IGSF9B: variants seen among roughly 807,000 people sequenced by gnomAD.
IGSF9B encodes immunoglobulin superfamily member 9B.
IGSF9B carries 48 observed loss-of-function variants against 143.7 expected under a neutral mutation model. That is an observed-to-expected ratio of 0.33 (90% CI 0.26 to 0.42). The LOEUF (loss-of-function observed/expected upper bound fraction) is 0.42, where lower values mean the gene tolerates loss of function less well. Ranked by LOEUF, IGSF9B falls within the 20% of genes least tolerant of loss-of-function variation. IGSF9B has a pLI of 1.00. For synonymous variants in IGSF9B, 903 were observed against 833.1 expected (o/e 1.08, Z -1.44); for missense variants, 1,706 against 1,980.0 (o/e 0.86, Z 2.63).
At position 133,919,843 on chromosome 11, in the gene IGSF9B, A is replaced by G; in HGVS notation, c.3882T>C (p.Pro1294=). ...SPPPGPAPAG[P]GDSLDVFGQT... ...GTCCAAACACGTCCAAGCTGTCCCC[A>G]GGCCCAGCAGGGGCGGGGCCGGGTG... The change falls in exon 18 of 20, where the codon CCT becomes CCC. Residue 1294 remains proline, a synonymous_variant. Transcript: ENST00000533871. The G allele has an allele frequency of 6.3e-7, 1 of 1,580,708 alleles. No homozygotes were observed. The highest frequency in any genetic ancestry group is 8.6e-7 in the Non-Finnish European group (1 of 1,163,262).
intron 18 of IGSF9B, among the ~76,000 whole-genome samples, chr11:133,914,983 C>T (rs1167012139): frequency 2.0e-5 from 3 of 152,174 alleles, no homozygotes; most frequent in African/African-American, 7.2e-5. Flanking sequence ...CAACTCCATC[C>T]TATCCCTGGA....
chr11:133,920,991 G>C lies in IGSF9B; in HGVS notation c.2734C>G (p.Leu912Val). Residue 912 changes from leucine to valine, a missense_variant, in exon 18 of 20, where the codon CTC (leucine) becomes GTC (valine). By Grantham distance (32) the Leu-to-Val change is conservative. Around this residue, in one of 7 missense-constraint regions of IGSF9B, gnomAD observed 880 missense variants for 762.9 expected, o/e 1.15. Coordinates refer to ENST00000533871, the MANE Select transcript of IGSF9B (RefSeq NM_001277285.4). Reference sequence around the variant, plus strand: ...TCCTGGCTGGATGACAGAGGGGTGAGCTGGGACTTCAGGGCGGCCACAGAT... The same window carrying C: ...TCCTGGCTGGATGACAGAGGGGTGACCTGGGACTTCAGGGCGGCCACAGAT... ...PTSVAALKSQ[L>V]TPLSSSQESY... The C allele has an allele frequency of 6.2e-7, 1 of 1,611,254 alleles. No individual in the cohort carries two copies. The highest frequency in any genetic ancestry group is 1.3e-5 in the African/African-American group (1 of 75,010).
chr11:133,944,486 A>C (rs1565447553), intron 2 of IGSF9B, 120 bp from the exon 3 acceptor site: 1 of 1,078,354 alleles, frequency 9.3e-7, no homozygotes, highest in East Asian at 2.6e-5. Flanking sequence ...TCCCTATGGC[A>C]GGGCTCCAGA....
At chr11:133,923,712 G>A (rs769427428) in intron 15 of IGSF9B, among the ~76,000 whole-genome samples, 2 of 152,250 alleles carry the variant, frequency 1.3e-5, no homozygotes, top group Non-Finnish European at 2.9e-5. Context: ...GGAAATGGGG[G>A]ACCTAATACA....
intron 18 of IGSF9B, among the ~76,000 whole-genome samples, chr11:133,917,518 G>A (rs184230427): frequency 7.9e-5 from 12 of 152,208 alleles, no homozygotes; most frequent in East Asian, 5.8e-4. Context: ...CAGGGAGGAC[G>A]ACAAGGCTAC....
chr11:133,901,965 G>A lies in IGSF9B; in HGVS notation c.*7104C>T, dbSNP rs1472611311. 3.9e-5 allele frequency among the ~76,000 whole-genome samples: 4 copies of A among 102,160 alleles called. No individual in the cohort carries two copies. Among genetic ancestry groups the A allele is most frequent in the Admixed American group, 9.9e-5 (1 of 10,116 alleles). The allele number at this position is 102,160 out of a possible 152,430, so 67.0% of individuals were successfully genotyped here. ...CACACACATCACACACATGCACACC[G>A]CATCACACACATGCACACCAGACAC... On this transcript the variant is annotated 3_prime_UTR_variant, in exon 20 of 20. Coordinates refer to ENST00000533871, the MANE Select transcript of IGSF9B (RefSeq NM_001277285.4).
intron 18 of IGSF9B, among the ~76,000 whole-genome samples, chr11:133,914,706 G>C (rs1447357440): frequency 1.3e-5 from 2 of 152,178 alleles, no homozygotes; most frequent in Admixed American, 6.5e-5. Context: ...CCCAATGTGG[G>C]AGGAAAAAAC....
chr11:133,928,413 A>G lies in IGSF9B; in HGVS notation c.1631+1258T>C, dbSNP rs763246109. On this transcript the variant is annotated intron_variant, in intron 12 of 19. Coordinates refer to ENST00000533871, the MANE Select transcript of IGSF9B (RefSeq NM_001277285.4). This position sits in a 1 kb window ranked among gnomAD's most constrained non-coding sequence, Gnocchi z 4.7. ...ACTCCGCCCGGGAAGCAGCCACCGA[A>G]CCACCATGATGGGAGACAGAGCGGG... 1.3e-5 allele frequency among the ~76,000 whole-genome samples: 2 copies of G among 152,148 alleles called. No homozygotes were observed. The highest frequency in any genetic ancestry group is 2.9e-5 in the Non-Finnish European group (2 of 68,032).
intron 3 of IGSF9B, among the ~76,000 whole-genome samples, chr11:133,943,764 T>C (rs1194815408): frequency 6.6e-6 from 1 of 152,166 alleles, no homozygotes; most frequent in East Asian, 1.9e-4. Flanking sequence ...CCTTGGTACA[T>C]ACTAATCAAA....
chr11:133,937,295 G>C (rs1036667685), intron 5 of IGSF9B, 81 bp downstream of exon 5: 6 of 1,069,824 alleles, frequency 5.6e-6, no homozygotes, highest in Non-Finnish European at 4.1e-6. Flanking sequence ...TGAGCCCTGG[G>C]AAAACGCCCT....
At chr11:133,949,253 C>G (rs545309596) in intron 1 of IGSF9B, among the ~76,000 whole-genome samples, 1 of 152,260 alleles carries the variant, frequency 6.6e-6, no homozygotes, top group East Asian at 1.9e-4. Flanking sequence ...CCTCCACCCT[C>G]GCTCCAAGCC....
Position 133,921,078 on chromosome 11 carries a change from T to G in IGSF9B, c.2647A>C (p.Thr883Pro), listed in dbSNP as rs755568379. 3 of 1,613,774 alleles carry G rather than the reference T, an allele frequency of 1.9e-6. No individual in the cohort carries two copies. The South Asian group carries it at 3.3e-5, about 18-fold the overall frequency. Residue 883 changes from threonine (T) to proline (P), a missense_variant, in exon 18 of 20, where the codon ACG (threonine) becomes CCG (proline). Physicochemically the swap from Thr to Pro is conservative, Grantham distance 38. This residue lies in a region of IGSF9B where 880 missense variants were observed against 762.9 expected (regional missense o/e 1.15). Transcript: ENST00000533871. Reference sequence around the variant, plus strand: ...TGGCGGAACTCGGGGTACATGTCCGTCTCCTCGGCGAAGGGGAAGCCCTCG... The same window carrying G: ...TGGCGGAACTCGGGGTACATGTCCGGCTCCTCGGCGAAGGGGAAGCCCTCG... ...RIEGFPFAEE[T>P]DMYPEFRQSD...
chr11:133,923,723 G>T (rs1939580217), intron 15 of IGSF9B, among the ~76,000 whole-genome samples: 1 of 152,244 alleles, frequency 6.6e-6, no homozygotes, highest in African/African-American at 2.4e-5. Context: ...ACCTAATACA[G>T]GGAATGCTGA....
rs1939735926 is a variant in IGSF9B at position 133,931,819 on chromosome 11, A to G, written c.1111-24T>C. ...TTCTGCCAGACACAGACGATAGGGC[A>G]GGGAACGCTGGTCAGAGACTCCGCG... On this transcript the variant is annotated intron_variant, in intron 8 of 19. Coordinates refer to ENST00000533871, the MANE Select transcript of IGSF9B (RefSeq NM_001277285.4). This position sits in a 1 kb window ranked among gnomAD's most constrained non-coding sequence, Gnocchi z 7.7. 2 of 1,608,862 alleles carry G rather than the reference A, an allele frequency of 1.2e-6. No homozygotes were observed. The highest frequency in any genetic ancestry group is 4.5e-5 in the East Asian group (2 of 44,850).
Position 133,953,528 on chromosome 11 carries a change from C to G in IGSF9B, c.64+3163G>C, listed in dbSNP as rs1464927763. On this transcript the variant is annotated intron_variant, in intron 1 of 19. Coordinates refer to ENST00000533871, the MANE Select transcript of IGSF9B (RefSeq NM_001277285.4). This position sits in a 1 kb window ranked among gnomAD's most constrained non-coding sequence, Gnocchi z 4.2. ...AGCAACCTCTGAGTCCAAACCTCCA[C>G]CCTCCCATCTTCATTACCAAAAGGA... 6.6e-6 allele frequency among the ~76,000 whole-genome samples: 1 copy of G among 152,236 alleles called. No individual in the cohort carries two copies. Among genetic ancestry groups the G allele is most frequent in the Non-Finnish European group, 1.5e-5 (1 of 68,052 alleles).
intron 6 of IGSF9B, 82 bp from the exon 7 acceptor site, chr11:133,935,844 G>T: frequency 6.5e-7 from 1 of 1,532,876 alleles, no homozygotes; most frequent in Non-Finnish European, 8.8e-7. Flanking sequence ...CACTGCCCCA[G>T]ATGTGGCATG....
chr11:133,950,875 TCC>T (rs1940145985), intron 1 of IGSF9B, among the ~76,000 whole-genome samples: 1 of 151,812 alleles, frequency 6.6e-6, no homozygotes, highest in Non-Finnish European at 1.5e-5. Flanking sequence ...AGCCTCCTCC[TCC>T]TCCTCCTCCT....
chr11:133,950,232 G>A (rs1940132996), intron 1 of IGSF9B, among the ~76,000 whole-genome samples: 1 of 152,216 alleles, frequency 6.6e-6, no homozygotes, highest in Admixed American at 6.5e-5. Context: ...GAAGGAGGGT[G>A]CCTGAAAGCA....
At chr11:133,947,341 A>C (rs1228722937) in intron 1 of IGSF9B, among the ~76,000 whole-genome samples, 1 of 152,158 alleles carries the variant, frequency 6.6e-6, no homozygotes, top group Non-Finnish European at 1.5e-5. Context: ...AGCTGAGGGG[A>C]AGCCTCACCC....
Sources: allele counts gnomAD v4.1 joint callset (sites outside exome capture counted in the v4.1 genomes callset), GRCh38; gene constraint gnomAD v4.1.1; regional missense constraint gnomAD v4.1.1; non-coding constraint Gnocchi (gnomAD v3.1); transcripts MANE v1.5; gene names NCBI Gene and HGNC (gene_info 2026-07-23, HGNC 2026-07-21).